RYR2: variants seen among roughly 807,000 people sequenced by gnomAD.
The protein encoded by RYR2 is ryanodine receptor 2.
In RYR2, 227 loss-of-function variants were observed where a neutral mutation model predicts 601.1. That is an observed-to-expected ratio of 0.38 (90% confidence interval 0.34 to 0.42). The LOEUF (loss-of-function observed/expected upper bound fraction) is 0.42, where lower values mean the gene tolerates loss of function less well. Ranked by LOEUF, RYR2 falls within the 10% of genes least tolerant of loss-of-function variation. The probability of loss-of-function intolerance (pLI) is 1.00; values close to 1 mark genes in which losing one functional copy is unlikely to be tolerated. For synonymous variants in RYR2, 2,223 were observed against 2,175.1 expected, an observed-to-expected ratio of 1.02 and a Z score of -0.61; for missense variants, 4,646 against 6,156.5, an observed-to-expected ratio of 0.75 and a Z score of 8.21.
intron 1 of RYR2, among the ~76,000 whole-genome samples, chr1:237,113,229 C>G (rs569475313): frequency 5.9e-5 from 9 of 151,944 alleles, no homozygotes; most frequent in African/African-American, 2.2e-4. Context: ...GATGGAATCT[C>G]ACTCTGTCGC....
At chr1:237,687,612 C>T (rs1686545801) in intron 63 of RYR2, 108 bp downstream of exon 63, 2 of 832,044 alleles carry the variant, frequency 2.4e-6, no homozygotes, top group Non-Finnish European at 4.1e-6. Context: ...GTTTGCATGG[C>T]TGCATGCATG....
intron 63 of RYR2, among the ~76,000 whole-genome samples, chr1:237,690,171 T>C (rs993430678): frequency 2.0e-5 from 3 of 152,176 alleles, no homozygotes; most frequent in African/African-American, 4.8e-5. Context: ...AAGCTTCACA[T>C]ATTATGGGTA....
intron 86 of RYR2, among the ~76,000 whole-genome samples, chr1:237,773,196 A>G: frequency 6.6e-6 from 1 of 152,192 alleles, no homozygotes; most frequent in East Asian, 1.9e-4. Flanking sequence ...CATAGTAAAC[A>G]TCTAATTTTG....
chr1:237,439,928 T>A (rs1044926123), intron 12 of RYR2, among the ~76,000 whole-genome samples: 15 of 152,116 alleles, frequency 9.9e-5, no homozygotes, highest in African/African-American at 3.6e-4. Context: ...ATTGACAGGG[T>A]TGGTAAAAGT....
At chr1:237,576,044 A>G (rs188307004) in intron 29 of RYR2, among the ~76,000 whole-genome samples, 2 of 152,332 alleles carry the variant, frequency 1.3e-5, no homozygotes, top group East Asian at 1.9e-4. Context: ...CAGAAGGTAT[A>G]TAATACCTTT....
At chr1:237,399,365 C>G (rs1703138603) in intron 10 of RYR2, among the ~76,000 whole-genome samples, 2 of 151,954 alleles carry the variant, frequency 1.3e-5, no homozygotes. Context: ...TATAGGCCAT[C>G]AGATGTTAGG....
chr1:237,399,701 G>A (rs185360669), intron 10 of RYR2, among the ~76,000 whole-genome samples: 13 of 152,210 alleles, frequency 8.5e-5, no homozygotes, highest in Admixed American at 5.2e-4. Context: ...GGGTTGGACC[G>A]CACAATCTGA....
intron 1 of RYR2, among the ~76,000 whole-genome samples, chr1:237,256,471 T>G (rs892561733): frequency 2.0e-5 from 3 of 152,054 alleles, no homozygotes; most frequent in African/African-American, 4.8e-5. Flanking sequence ...ATTTCAAAGC[T>G]CCCTACAAAG....
chr1:237,592,354 C>A (rs1291958049), intron 32 of RYR2, among the ~76,000 whole-genome samples: 1 of 152,102 alleles, frequency 6.6e-6, no homozygotes, highest in Non-Finnish European at 1.5e-5. Context: ...GAGTTTAGGC[C>A]AGGTGCAGTG....
At chr1:237,161,357 G>GA (rs11302666) in intron 1 of RYR2, among the ~76,000 whole-genome samples, 1 of 150,904 alleles carries the variant, frequency 6.6e-6, no homozygotes. Context: ...AATTTTGGGG[G>GA]AAAAAAAAAG....
At chr1:237,548,835 G>A (rs1001946466) in intron 26 of RYR2, among the ~76,000 whole-genome samples, 100 of 152,230 alleles carry the variant, frequency 6.6e-4, no homozygotes, top group African/African-American at 2.2e-3. Context: ...CTTATAATAT[G>A]GTTTTGTGGT....
intron 83 of RYR2, among the ~76,000 whole-genome samples, chr1:237,760,087 A>G (rs974647271): frequency 4.0e-5 from 6 of 151,846 alleles, no homozygotes; most frequent in African/African-American, 1.5e-4. Context: ...CCATAGTACT[A>G]TAATCCCAGA....
intron 63 of RYR2, among the ~76,000 whole-genome samples, chr1:237,694,493 A>G (rs1434800597): frequency 1.3e-5 from 2 of 152,158 alleles, no homozygotes; most frequent in African/African-American, 2.4e-5. Context: ...CTGTAGTACT[A>G]TGACAATATG....
At chr1:237,729,752 G>A (rs1167043863) in intron 76 of RYR2, among the ~76,000 whole-genome samples, 2 of 152,058 alleles carry the variant, frequency 1.3e-5, no homozygotes, top group Non-Finnish European at 2.9e-5. Flanking sequence ...CTTTGAGTAT[G>A]TACTCCCATA....
Position 237,457,202 on chromosome 1 carries a change from G to C in RYR2, c.1612+467G>C, listed in dbSNP as rs1658939858. On this transcript the variant is annotated intron_variant, in intron 16 of 104. Transcript: ENST00000366574. ...TTGCTTTTGGAGTTAGTTCCGCAAGGGTCCCTCTTAATTCCTTACATTCCC... is the reference window on the plus strand; with the variant it reads ...TTGCTTTTGGAGTTAGTTCCGCAAGCGTCCCTCTTAATTCCTTACATTCCC... 2.6e-5 allele frequency among the ~76,000 whole-genome samples: 4 copies of C among 152,204 alleles called. No individual in the cohort carries two copies. The South Asian group carries it at 8.3e-4, about 32-fold the overall frequency.
intron 27 of RYR2, among the ~76,000 whole-genome samples, chr1:237,553,452 A>G (rs1217083430): frequency 6.6e-6 from 1 of 151,890 alleles, no homozygotes; most frequent in Non-Finnish European, 1.5e-5. Flanking sequence ...TTAATATTCC[A>G]TTGTCTTCAT....
chr1:237,800,935 A>G (rs975525121), intron 97 of RYR2, among the ~76,000 whole-genome samples: 2 of 152,128 alleles, frequency 1.3e-5, no homozygotes, highest in Non-Finnish European at 2.9e-5. Context: ...TGTGGAAAAT[A>G]ATAATAAAAG....
intron 3 of RYR2, among the ~76,000 whole-genome samples, chr1:237,345,100 C>T (rs1440941992): frequency 1.3e-5 from 2 of 152,130 alleles, no homozygotes; most frequent in Admixed American, 1.3e-4. Flanking sequence ...TGAGCCACTG[C>T]GCCCAGCCTG....
At chr1:237,233,194 C>G (rs1340268555) in intron 1 of RYR2, among the ~76,000 whole-genome samples, 1 of 152,188 alleles carries the variant, frequency 6.6e-6, no homozygotes, top group Non-Finnish European at 1.5e-5. Context: ...GAGATAATTC[C>G]TATGTTCCAA....
Sources: allele counts gnomAD v4.1 joint callset (sites outside exome capture counted in the v4.1 genomes callset), GRCh38; gene constraint gnomAD v4.1.1; transcripts MANE v1.5; gene names NCBI Gene and HGNC (gene_info 2026-07-23, HGNC 2026-07-21).